The following GALE variants were observed in gnomAD, a reference collection of about 807,000 sequenced individuals.
GALE encodes the protein UDP-galactose-4-epimerase, also known as UDP-glucose 4-epimerase.
In GALE, 32 loss-of-function variants were observed where a neutral mutation model predicts 44.1. The observed-to-expected ratio is 0.73, with a 90% CI of 0.55 to 0.97. The LOEUF (loss-of-function observed/expected upper bound fraction) is 0.97, where lower values mean the gene tolerates loss of function less well. Ranked by LOEUF, GALE falls within the 50% of genes least tolerant of loss-of-function variation. The pLI, the probability that GALE is intolerant of heterozygous loss-of-function variation, is 0.00. For missense variants in GALE, 423 were observed against 455.6 expected, an observed-to-expected ratio of 0.93 and a Z score of 0.65; for synonymous variants, 182 against 183.5, an observed-to-expected ratio of 0.99 and a Z score of 0.06.
chr1:23,798,138 G>C lies in GALE; in HGVS notation c.330C>G (p.Thr110=), dbSNP rs377557637. ...TCACCTCCAGAAGCTGGATGGTCCC[G>C]GTCAGGTTAACTCTGTAATAATCCA... The part of the protein sequence containing the change: ...KPLDYYRVNL[T]GTIQLLEIMK... Residue 110 remains threonine, a synonymous_variant, in exon 5 of 12, where the codon ACC becomes ACG. Coordinates refer to ENST00000617979, the MANE Select transcript of GALE (RefSeq NM_001008216.2). The surrounding 1 kb of genome is among the most constrained non-coding windows in gnomAD (Gnocchi z 4.5). 5 of 1,613,796 alleles carry C rather than the reference G, an allele frequency of 3.1e-6. No individual in the cohort carries two copies. In the African/African-American group the frequency reaches 5.3e-5, roughly 17 times the overall value.
At chr1:23,797,914 T>C (rs1557480137) in intron 5 of GALE, 43 bp from the exon 6 acceptor site, 6 of 1,598,122 alleles carry the variant, frequency 3.8e-6, no homozygotes, top group Admixed American at 1.7e-5. Flanking sequence ...GCCTCACACA[T>C]TACTCCCACC....
In GALE at chr1:23,796,992, T is replaced by C. The variant is rs751909263; in HGVS notation, c.642+42A>G. 1.2e-6 allele frequency: 2 copies of C among 1,608,446 alleles called. No individual in the cohort carries two copies. Among genetic ancestry groups the C allele is most frequent in the Non-Finnish European group, 1.7e-6 (2 of 1,176,998 alleles). On this transcript the variant is annotated intron_variant, in intron 7 of 11. Coordinates refer to ENST00000617979, the MANE Select transcript of GALE (RefSeq NM_001008216.2). This position sits in a 1 kb window ranked among gnomAD's most constrained non-coding sequence, Gnocchi z 5.2. ...CGTCCCAGATCCCAGGCACCAGCTT[T>C]AACCCCAGGGCCACTCCTCTGTCCC... is the stretch of plus-strand genomic sequence containing the variant.
Position 23,796,054 on chromosome 1 carries a change from A to C in GALE, c.989-47T>G, listed in dbSNP as rs762132344. The C allele has an allele frequency of 4.4e-6, 7 of 1,608,360 alleles. No individual in the cohort carries two copies. In the Admixed American group the frequency reaches 1.2e-4, roughly 27 times the overall value. On this transcript the variant is annotated intron_variant, in intron 11 of 11. Coordinates refer to ENST00000617979, the MANE Select transcript of GALE (RefSeq NM_001008216.2). This position sits in a 1 kb window ranked among gnomAD's most constrained non-coding sequence, Gnocchi z 5.2. ...GCTCAGGGCCCACGGTGGAATGCAG[A>C]GCCTCCCCCACCCCACAGCCCGCCC...
chr1:23,797,320 G>T (rs1444721443), intron 6 of GALE, among the ~76,000 whole-genome samples, 173 bp from the exon 7 acceptor site: 1 of 152,144 alleles, frequency 6.6e-6, no homozygotes, highest in Non-Finnish European at 1.5e-5. Flanking sequence ...CCAGGTTCAA[G>T]CAATTCTTGT....
At chr1:23,799,208 G>A in intron 2 of GALE, 158 bp downstream of exon 2, 1 of 642,762 alleles carries the variant, frequency 1.6e-6, no homozygotes. Flanking sequence ...AAATTAATTA[G>A]CCTCTTGGCC....
chr1:23,797,674 C>T, intron 6 of GALE, 21 bp downstream of exon 6: 2 of 1,612,596 alleles, frequency 1.2e-6, no homozygotes, highest in Non-Finnish European at 8.5e-7. Context: ...GGAGCCAGGG[C>T]ACTGTCAAGG....
Position 23,799,359 on chromosome 1 carries a change from C to T in GALE, c.-6+7G>A, listed in dbSNP as rs1639061577. On this transcript the variant is annotated splice_region_variant and intron_variant, in intron 2 of 11. Transcript: ENST00000617979. ...ACACAGGCACCTTATTTTCTAGTTCCACTTGCCTTGGAGTTGGAAAAGATG... is the reference window on the plus strand; with the variant it reads ...ACACAGGCACCTTATTTTCTAGTTCTACTTGCCTTGGAGTTGGAAAAGATG... 3 of 365,918 alleles carry T rather than the reference C, an allele frequency of 8.2e-6. No individual in the cohort carries two copies. The highest frequency in any genetic ancestry group is 1.6e-5 in the Non-Finnish European group (3 of 190,184). 22.7% of individuals were successfully genotyped at this position (365,918 alleles called of 1,614,324 possible).
chr1:23,796,309 G>A lies in GALE; in HGVS notation c.874-44C>T, dbSNP rs778797826. 13 of 1,573,990 alleles carry A rather than the reference G, an allele frequency of 8.3e-6. No homozygotes were observed. The East Asian group carries it at 2.5e-4, about 30-fold the overall frequency. ...TTGGAGCTTAGCTGAGCCGGCCCTG[G>A]CCCAGCTGCTGGCCAGGTCTTTAAG... On this transcript the variant is annotated intron_variant, in intron 10 of 11. Coordinates refer to ENST00000617979, the MANE Select transcript of GALE (RefSeq NM_001008216.2). The surrounding 1 kb of genome is among the most constrained non-coding windows in gnomAD (Gnocchi z 5.2).
In GALE at chr1:23,798,343, T is replaced by A; in HGVS notation, c.238-113A>T. ...TTTTTTTTTGACAGTCTCGCTCTGT[T>A]GTCCAGGCTGGAGTACAGTGGTGCC... On this transcript the variant is annotated intron_variant, in intron 4 of 11. Transcript: ENST00000617979. This position sits in a 1 kb window ranked among gnomAD's most constrained non-coding sequence, Gnocchi z 4.5. 1 of 798,718 alleles carries A rather than the reference T, an allele frequency of 1.3e-6. No homozygotes were observed. The allele number at this position is 798,718 out of a possible 1,614,324, so 49.5% of individuals were successfully genotyped here.
At chr1:23,799,206 T>C (rs1362976730) in intron 2 of GALE, 160 bp downstream of exon 2, 1 of 654,374 alleles carries the variant, frequency 1.5e-6, no homozygotes. Flanking sequence ...GGAAATTAAT[T>C]AGCCTCTTGG....
chr1:23,800,287 C>A, intron 1 of GALE: 1 of 153,104 alleles, frequency 6.5e-6, no homozygotes, highest in South Asian at 1.8e-4. Context: ...CCCCCGCCCC[C>A]GCCCCGCGCC....
In GALE at chr1:23,797,146, G is replaced by A. The variant is rs151234596; in HGVS notation, c.530C>T (p.Thr177Ile). 5.0e-6 allele frequency: 8 copies of A among 1,603,934 alleles called. No individual in the cohort carries two copies. The highest frequency in any genetic ancestry group is 6.8e-6 in the Non-Finnish European group (8 of 1,175,158). Residue 177 changes from threonine to isoleucine, a missense_variant and splice_region_variant, in exon 7 of 12, where the codon ACT becomes ATT. Physicochemically the swap from Thr to Ile is moderately conservative, Grantham distance 89. Coordinates refer to ENST00000617979, the MANE Select transcript of GALE (RefSeq NM_001008216.2). The part of the protein sequence containing the change: ...MIRDLCQADK[T>I]WNAVLLRYFN... ...ATAGCGCAGCAGCACTGCGTTCCAA[G>A]TCTGTGGGATGTGGGTCAGGTGGTG...
In GALE at chr1:23,797,091, G is replaced by C; in HGVS notation, c.585C>G (p.Gly195=). 6.2e-7 allele frequency: 1 copy of C among 1,613,684 alleles called. No individual in the cohort carries two copies. The highest frequency in any genetic ancestry group is 8.5e-7 in the Non-Finnish European group (1 of 1,179,854). The change falls in exon 7 of 12, where the codon GGC becomes GGG. Residue 195 remains glycine (G), a synonymous_variant. Coordinates refer to ENST00000617979, the MANE Select transcript of GALE (RefSeq NM_001008216.2). ...YFNPTGAHAS[G]CIGEDPQGIP... ...TGCCCTGGGGATCCTCACCAATGCAGCCAGAGGCATGGGCACCTGTGGGGT... is the reference window on the plus strand; with the variant it reads ...TGCCCTGGGGATCCTCACCAATGCACCCAGAGGCATGGGCACCTGTGGGGT...
chr1:23,795,758 GAGTT>G lies in GALE; in HGVS notation c.*187_*190del, dbSNP rs1256401075. 3.1e-6 allele frequency: 2 copies of G among 634,986 alleles called. No individual in the cohort carries two copies. Among genetic ancestry groups the G allele is most frequent in the South Asian group, 3.7e-5 (2 of 53,398 alleles). 39.3% of individuals were successfully genotyped at this position (634,986 alleles called of 1,614,324 possible). On this transcript the variant is annotated 3_prime_UTR_variant, in exon 12 of 12. Coordinates refer to ENST00000617979, the MANE Select transcript of GALE (RefSeq NM_001008216.2). The stretch of plus-strand genomic sequence containing the variant: ...AACTCTTGGACCCTGTGGAAGATAA[GAGTT>G]AGAGACCTCGGCCTCCTGGTCAGTG...
In GALE at chr1:23,796,965, T is replaced by A. The variant is rs1638977176; in HGVS notation, c.643-23A>T. On this transcript the variant is annotated intron_variant, in intron 7 of 11. Transcript: ENST00000617979. This position sits in a 1 kb window ranked among gnomAD's most constrained non-coding sequence, Gnocchi z 5.2. ...CACCTGGAGGTGGAGATCAGGTCAG[T>A]TCGTCCCAGATCCCAGGCACCAGCT... 1 of 1,611,224 alleles carries A rather than the reference T, an allele frequency of 6.2e-7. No homozygotes were observed. The highest frequency in any genetic ancestry group is 1.3e-5 in the African/African-American group (1 of 74,886).
Position 23,797,795 on chromosome 1 carries a change from G to C in GALE, c.428C>G (p.Pro143Arg), listed in dbSNP as rs1639007181. Residue 143 changes from proline to arginine, a missense_variant, in exon 6 of 12, where the codon CCC (proline) becomes CGC (arginine). Coordinates refer to ENST00000617979, the MANE Select transcript of GALE (RefSeq NM_001008216.2). Reference sequence around the variant, plus strand: ...ACCCGTGGGGTGGGCCTCATCAAGGGGCAGGTACTGGGGGTTCCCGTACAC... The same window carrying C: ...ACCCGTGGGGTGGGCCTCATCAAGGCGCAGGTACTGGGGGTTCCCGTACAC... ...ATVYGNPQYL[P>R]LDEAHPTGGC... is the part of the protein sequence containing the mutation. 1 of 1,614,104 alleles carries C rather than the reference G, an allele frequency of 6.2e-7. No individual in the cohort carries two copies. The highest frequency in any genetic ancestry group is 8.5e-7 in the Non-Finnish European group (1 of 1,179,934).
chr1:23,795,858 T>C lies in GALE; in HGVS notation c.*91A>G. On this transcript the variant is annotated 3_prime_UTR_variant, in exon 12 of 12. Coordinates refer to ENST00000617979, the MANE Select transcript of GALE (RefSeq NM_001008216.2). ...GTTTGAGGTAGGGGAGGCCTTGGCT[T>C]GGCCCCAGCAGCTCCAGGGCCCTGA... 1 of 1,325,218 alleles carries C rather than the reference T, an allele frequency of 7.5e-7. No individual in the cohort carries two copies. Among genetic ancestry groups the C allele is most frequent in the Non-Finnish European group, 1.1e-6 (1 of 929,222 alleles). 82.1% of individuals were successfully genotyped at this position (1,325,218 alleles called of 1,614,324 possible).
rs746500876 is a variant in GALE, at chr1:23,796,502, G to A, written c.873+7C>T. On this transcript the variant is annotated splice_region_variant and intron_variant, in intron 10 of 11. Transcript: ENST00000617979. This position sits in a 1 kb window ranked among gnomAD's most constrained non-coding sequence, Gnocchi z 5.2. Reference sequence around the variant, plus strand: ...GTGGGTGAGGTGGGTGGGGCGGGGGGGCCTACCTTCTTCCCAGAGGCCTTC... The same window carrying A: ...GTGGGTGAGGTGGGTGGGGCGGGGGAGCCTACCTTCTTCCCAGAGGCCTTC... 3 of 1,567,010 alleles carry A rather than the reference G, an allele frequency of 1.9e-6. No homozygotes were observed. The highest frequency in any genetic ancestry group is 1.4e-5 in the African/African-American group (1 of 73,842).
chr1:23,797,004 C>T, intron 7 of GALE, 30 bp downstream of exon 7: 1 of 1,608,488 alleles, frequency 6.2e-7, no homozygotes, highest in Non-Finnish European at 8.5e-7. Context: ...ACCCCAGGGC[C>T]ACTCCTCTGT....
Sources: allele counts gnomAD v4.1 joint callset (sites outside exome capture counted in the v4.1 genomes callset), GRCh38; gene constraint gnomAD v4.1.1; non-coding constraint Gnocchi (gnomAD v3.1); transcripts MANE v1.5; gene names NCBI Gene and HGNC (gene_info 2026-07-23, HGNC 2026-07-21).